SHTN1: variants seen among roughly 807,000 people sequenced by gnomAD.
The protein encoded by SHTN1 is shootin-1.
SHTN1 carries 42 observed loss-of-function variants against 83.1 expected under a neutral mutation model. The observed-to-expected ratio is 0.51, with a 90% CI of 0.39 to 0.65. The LOEUF (loss-of-function observed/expected upper bound fraction) is 0.65, where lower values mean the gene tolerates loss of function less well. SHTN1 is among the 30% of genes least tolerant of loss of function. The probability of loss-of-function intolerance (pLI) is 0.00; values close to 1 mark genes in which losing one functional copy is unlikely to be tolerated. For synonymous variants in SHTN1, 224 were observed against 247.7 expected (o/e 0.90, Z 0.90); for missense variants, 622 against 737.8 (o/e 0.84, Z 1.82).
chr10:116,926,442 C>G (rs184260698), intron 11 of SHTN1, among the ~76,000 whole-genome samples: 1 of 152,236 alleles, frequency 6.6e-6, no homozygotes, highest in East Asian at 1.9e-4. Flanking sequence ...TTTAAAATAC[C>G]TGAAATTCTT....
intron 14 of SHTN1, among the ~76,000 whole-genome samples, chr10:116,910,395 T>G (rs561369618): frequency 6.6e-6 from 1 of 152,338 alleles, no homozygotes; most frequent in Admixed American, 6.5e-5. Context: ...TCTTAAAATT[T>G]TTTATAACTT....
chr10:116,978,022 A>T (rs902452785), intron 2 of SHTN1, among the ~76,000 whole-genome samples: 1 of 152,066 alleles, frequency 6.6e-6, no homozygotes. Context: ...CATTCCCTGA[A>T]TCACCTGATG....
At chr10:116,925,282 T>G (rs1051869099) in intron 11 of SHTN1, among the ~76,000 whole-genome samples, 2 of 152,182 alleles carry the variant, frequency 1.3e-5, no homozygotes, top group African/African-American at 4.8e-5. Context: ...AAGGCCTAAT[T>G]AGAACAACAA....
At chr10:116,912,468 C>T (rs888468556) in intron 13 of SHTN1, among the ~76,000 whole-genome samples, 4 of 152,216 alleles carry the variant, frequency 2.6e-5, no homozygotes, top group Non-Finnish European at 5.9e-5. Flanking sequence ...TCCAATCACT[C>T]ATCTTGGAAG....
At chr10:116,895,359 A>G (rs562530802) in intron 16 of SHTN1, among the ~76,000 whole-genome samples, 61 of 152,332 alleles carry the variant, frequency 4.0e-4, no homozygotes, top group African/African-American at 1.4e-3. Context: ...AATTTCTAAA[A>G]TTTATTTTGA....
At chr10:117,118,655 C>T (rs1853884039) in intron 1 of SHTN1, among the ~76,000 whole-genome samples, 1 of 152,140 alleles carries the variant, frequency 6.6e-6, no homozygotes, top group Admixed American at 6.5e-5. Flanking sequence ...AACCTAAGTA[C>T]TTATCAACGA....
Position 116,948,934 on chromosome 10 carries a change from A to G in SHTN1, c.598T>C (p.Leu200=), listed in dbSNP as rs2133415113. The G allele has an allele frequency of 6.3e-7, 1 of 1,577,598 alleles. No individual in the cohort carries two copies. The highest frequency in any genetic ancestry group is 8.6e-7 in the Non-Finnish European group (1 of 1,162,882). The change falls in exon 7 of 17, where the codon TTA becomes CTA. Residue 200 remains leucine, a synonymous_variant. Coordinates refer to ENST00000355371, the MANE Select transcript of SHTN1 (RefSeq NM_001127211.3). Reference sequence around the variant, plus strand: ...GACTTACCTCTATTGCATTTTTCTAAGACTTTTCTCTGTTCAAGAACTTCT... The same window carrying G: ...GACTTACCTCTATTGCATTTTTCTAGGACTTTTCTCTGTTCAAGAACTTCT... ...NSEVLEQRKV[L]EKCNRVSMLA...
At chr10:116,921,341 CA>C in intron 12 of SHTN1, 92 bp downstream of exon 12, 1 of 855,290 alleles carries the variant, frequency 1.2e-6, no homozygotes, top group Non-Finnish European at 1.9e-6. Context: ...ACTCTCCCAA[CA>C]ACATGTTTAT....
chr10:116,976,609 G>A (rs1015768060), intron 2 of SHTN1, among the ~76,000 whole-genome samples: 18 of 152,168 alleles, frequency 1.2e-4, no homozygotes, highest in African/African-American at 4.1e-4. Flanking sequence ...CACCCAGCCA[G>A]GCACAAGAGA....
At chr10:116,998,415 T>C (rs1274137412) in intron 1 of SHTN1, among the ~76,000 whole-genome samples, 3 of 152,104 alleles carry the variant, frequency 2.0e-5, no homozygotes, top group African/African-American at 7.2e-5. Context: ...TACCACAAGA[T>C]ATTTTGAGAG....
chr10:116,916,392 A>G (rs181495022), intron 12 of SHTN1, among the ~76,000 whole-genome samples: 50 of 152,320 alleles, frequency 3.3e-4, no homozygotes, highest in African/African-American at 1.2e-3. Context: ...ATTGCAGCCA[A>G]CATATTTGAG....
rs189875077 is a variant in SHTN1 at position 116,913,630 on chromosome 10, T to C, written c.1305+1745A>G. 1.2e-3 allele frequency among the ~76,000 whole-genome samples: 184 copies of C among 152,352 alleles called. 2 individuals are homozygous for C. Among genetic ancestry groups the C allele is most frequent in the African/African-American group, 4.4e-3 (181 of 41,590 alleles). On this transcript the variant is annotated intron_variant, in intron 13 of 16. Coordinates refer to ENST00000355371, the MANE Select transcript of SHTN1 (RefSeq NM_001127211.3). ...AATTTTGTTTCTTTATGGCATTGTA[T>C]TTTTCTCTAGTAATAGTTTGGTTTT...
chr10:116,920,584 T>C (rs540296924), intron 12 of SHTN1, among the ~76,000 whole-genome samples: 68 of 152,330 alleles, frequency 4.5e-4, no homozygotes, highest in African/African-American at 1.6e-3. Flanking sequence ...AGTTACAGTC[T>C]GTTCTCTCAC....
intron 1 of SHTN1, among the ~76,000 whole-genome samples, chr10:116,991,294 A>G (rs1332937989): frequency 2.0e-5 from 3 of 152,180 alleles, no homozygotes; most frequent in Non-Finnish European, 4.4e-5. Flanking sequence ...TTTGGTTTAC[A>G]TTTGTTTCTT....
chr10:117,011,862 G>A (rs760458946), intron 2 of SHTN1, among the ~76,000 whole-genome samples: 18 of 151,966 alleles, frequency 1.2e-4, no homozygotes, highest in Non-Finnish European at 2.1e-4. Context: ...AAACTCAGGC[G>A]GGGCGCGGTG....
chr10:116,890,181 T>G (rs534817727), intron 16 of SHTN1, among the ~76,000 whole-genome samples: 1 of 96,604 alleles, frequency 1.0e-5, no homozygotes, highest in Admixed American at 1.1e-4. Context: ...TTTTCTACTT[T>G]AATGCAACCT....
At chr10:117,083,395 C>T (rs1384862991) in intron 1 of SHTN1, among the ~76,000 whole-genome samples, 4 of 149,446 alleles carry the variant, frequency 2.7e-5, no homozygotes, top group Admixed American at 6.7e-5. Context: ...GGGTTTCTGC[C>T]GAGAGATCCG....
chr10:117,052,116 T>C (rs1278153206), intron 1 of SHTN1, among the ~76,000 whole-genome samples: 1 of 148,046 alleles, frequency 6.8e-6, no homozygotes, highest in African/African-American at 2.5e-5. Flanking sequence ...TAAAAATCTA[T>C]TGAATTACTA....
chr10:117,098,184 C>G (rs935071629), intron 1 of SHTN1, among the ~76,000 whole-genome samples: 27 of 146,578 alleles, frequency 1.8e-4, no homozygotes, highest in Non-Finnish European at 3.3e-4. Flanking sequence ...GTCAAGAGAT[C>G]CAGACCATCC....
Sources: allele counts gnomAD v4.1 joint callset (sites outside exome capture counted in the v4.1 genomes callset), GRCh38; gene constraint gnomAD v4.1.1; transcripts MANE v1.5; gene names NCBI Gene and HGNC (gene_info 2026-07-23, HGNC 2026-07-21).